Variants in SNX29 observed in about 807,000 individuals in gnomAD.
SNX29 encodes sorting nexin 29.
Under a neutral mutation model 102.1 loss-of-function variants are expected in SNX29, and 78 were observed. That is an observed-to-expected ratio of 0.76 (90% CI 0.64 to 0.92). The LOEUF is 0.92. SNX29 is among the 40% of genes least tolerant of loss of function. The probability of loss-of-function intolerance (pLI) is 0.00; values close to 1 mark genes in which losing one functional copy is unlikely to be tolerated. For missense variants in SNX29, 1,280 were observed against 1,061.7 expected (o/e 1.21, Z -2.86); for synonymous variants, 580 against 414.5 (o/e 1.40, Z -4.85).
At chr16:12,378,753 G>A (rs1485443564) in intron 16 of SNX29, among the ~76,000 whole-genome samples, 1 of 152,166 alleles carries the variant, frequency 6.6e-6, no homozygotes, top group Admixed American at 6.5e-5. Flanking sequence ...GGATATCATG[G>A]AAACCTGGTA....
intron 13 of SNX29, among the ~76,000 whole-genome samples, chr16:12,183,445 C>G (rs1222887305): frequency 6.6e-6 from 1 of 151,302 alleles, no homozygotes; most frequent in African/African-American, 2.4e-5. Context: ...CAGTGTTTTT[C>G]TAAATAAATG....
chr16:12,563,714 A>C (rs1041909625), intron 20 of SNX29, among the ~76,000 whole-genome samples: 4 of 152,182 alleles, frequency 2.6e-5, no homozygotes, highest in African/African-American at 9.7e-5. Context: ...AACATGAGGA[A>C]AGCCAGAGAT....
chr16:12,488,079 G>C (rs1597576967), intron 19 of SNX29, among the ~76,000 whole-genome samples: 1 of 152,126 alleles, frequency 6.6e-6, no homozygotes, highest in East Asian at 1.9e-4. Context: ...GTATATATAT[G>C]TTTAATTAGT....
chr16:12,497,225 A>G (rs572775291), intron 19 of SNX29, among the ~76,000 whole-genome samples: 1 of 152,390 alleles, frequency 6.6e-6, no homozygotes, highest in Admixed American at 6.5e-5. Context: ...CCTGAAGTAA[A>G]AAAGTAAACG....
intron 14 of SNX29, among the ~76,000 whole-genome samples, chr16:12,256,883 C>A (rs1361495525): frequency 6.6e-6 from 1 of 152,200 alleles, no homozygotes; most frequent in East Asian, 1.9e-4. Flanking sequence ...ATAGCTAAAG[C>A]AGAACATCTG....
intron 14 of SNX29, among the ~76,000 whole-genome samples, chr16:12,228,576 G>A (rs914119205): frequency 1.3e-4 from 20 of 152,186 alleles, no homozygotes; most frequent in African/African-American, 2.9e-4. Context: ...GTGACTTCCC[G>A]TTGCAATTAA....
At chr16:12,369,733 G>T (rs1464402320) in intron 16 of SNX29, among the ~76,000 whole-genome samples, 2 of 152,166 alleles carry the variant, frequency 1.3e-5, no homozygotes, top group African/African-American at 4.8e-5. Context: ...TATTTCCAGG[G>T]ATACATAATA....
chr16:12,439,313 G>C (rs2085689942), intron 18 of SNX29, among the ~76,000 whole-genome samples: 1 of 152,244 alleles, frequency 6.6e-6, no homozygotes, highest in Non-Finnish European at 1.5e-5. Context: ...TCACCAGAGA[G>C]GCCAGCGGGG....
At chr16:12,154,711 TG>T (rs1432722609) in intron 13 of SNX29, among the ~76,000 whole-genome samples, 1 of 152,200 alleles carries the variant, frequency 6.6e-6, no homozygotes, top group Non-Finnish European at 1.5e-5. Flanking sequence ...TTGTGGAGGC[TG>T]GAAGTCCAAG....
intron 14 of SNX29, among the ~76,000 whole-genome samples, chr16:12,201,372 T>C (rs2141977248): frequency 6.6e-6 from 1 of 152,358 alleles, no homozygotes; most frequent in South Asian, 2.1e-4. Flanking sequence ...GAATAGTATT[T>C]GTCTAGCCCT....
chr16:12,282,823 T>A (rs961435303), intron 15 of SNX29, among the ~76,000 whole-genome samples: 24 of 151,038 alleles, frequency 1.6e-4, no homozygotes, highest in Non-Finnish European at 3.0e-5. Flanking sequence ...GCCTGGCTAA[T>A]TTTTTGTATT....
chr16:12,336,248 C>G (rs1567451527), intron 15 of SNX29, among the ~76,000 whole-genome samples: 2 of 152,192 alleles, frequency 1.3e-5, no homozygotes, highest in East Asian at 3.8e-4. Context: ...TTGGCGCTCA[C>G]TGTAACACAG....
intron 15 of SNX29, among the ~76,000 whole-genome samples, chr16:12,336,250 G>A (rs991818746): frequency 6.6e-6 from 1 of 152,194 alleles, no homozygotes; most frequent in Non-Finnish European, 1.5e-5. Flanking sequence ...GGCGCTCACT[G>A]TAACACAGTT....
At chr16:12,565,805 C>A (rs1426184125) in intron 20 of SNX29, among the ~76,000 whole-genome samples, 3 of 152,208 alleles carry the variant, frequency 2.0e-5, no homozygotes, top group Non-Finnish European at 4.4e-5. Flanking sequence ...TACACAGCAA[C>A]CCTCAGCTCA....
intron 20 of SNX29, among the ~76,000 whole-genome samples, chr16:12,529,172 C>T (rs928023385): frequency 2.0e-5 from 3 of 152,104 alleles, no homozygotes; most frequent in Non-Finnish European, 2.9e-5. Flanking sequence ...GAAAGTAGGC[C>T]GGTGGGAAGT....
At chr16:12,562,114 C>G (rs1364312317) in intron 20 of SNX29, among the ~76,000 whole-genome samples, 1 of 152,136 alleles carries the variant, frequency 6.6e-6, no homozygotes, top group Non-Finnish European at 1.5e-5. Context: ...GCCGTTCACT[C>G]TCCTGTGTGA....
intron 15 of SNX29, 66 bp from the exon 16 acceptor site, chr16:12,356,097 G>A: frequency 6.8e-7 from 1 of 1,464,390 alleles, no homozygotes; most frequent in South Asian, 1.2e-5. Context: ...AGAGTCCAGA[G>A]AAGGCGGGAT....
At chr16:12,194,317 T>C (rs565916109) in intron 13 of SNX29, among the ~76,000 whole-genome samples, 2 of 152,350 alleles carry the variant, frequency 1.3e-5, no homozygotes, top group South Asian at 4.2e-4. Context: ...ATACAGTTGA[T>C]GTTTACATTT....
chr16:12,370,687 C>T (rs28594525), intron 16 of SNX29, among the ~76,000 whole-genome samples: 18,291 of 152,228 alleles, frequency 0.12, 2,574 homozygotes, highest in African/African-American at 0.34. Context: ...GCTTCCCCAT[C>T]TCCCTGAAAT....
Sources: allele counts gnomAD v4.1 joint callset (sites outside exome capture counted in the v4.1 genomes callset), GRCh38; gene constraint gnomAD v4.1.1; transcripts MANE v1.5; gene names NCBI Gene and HGNC (gene_info 2026-07-23, HGNC 2026-07-21).